BRDT: variants seen among roughly 807,000 people sequenced by gnomAD.
BRDT encodes bromodomain testis associated, also known as bromodomain testis-specific protein.
A neutral mutation model predicts 113.9 loss-of-function variants in BRDT; 77 were observed. That is an observed-to-expected ratio of 0.68 (90% CI 0.56 to 0.82). BRDT has a LOEUF of 0.82. Ranked by LOEUF, BRDT falls within the 40% of genes least tolerant of loss-of-function variation. The pLI, the probability that BRDT is intolerant of heterozygous loss-of-function variation, is 0.00. For missense variants in BRDT, 1,027 were observed against 1,105.4 expected (o/e 0.93, Z 1.01); for synonymous variants, 358 against 366.5 (o/e 0.98, Z 0.26).
chr1:91,977,676 G>T (rs1684283605), intron 6 of BRDT, among the ~76,000 whole-genome samples: 1 of 149,318 alleles, frequency 6.7e-6, no homozygotes, highest in Admixed American at 6.7e-5. Flanking sequence ...TTTGAGACCA[G>T]CCTGGCCATG....
chr1:92,014,212 G>T lies in BRDT; in HGVS notation c.2782G>T (p.Gly928Cys). Residue 928 changes from glycine (G) to cysteine (C), a missense_variant, in exon 19 of 19, where the codon GGT becomes TGT. By Grantham distance (159) the Gly-to-Cys change is radical. Coordinates refer to ENST00000399546, the MANE Select transcript of BRDT (RefSeq NM_207189.4). ...TTTTCTGCTTTTTCTACAGATGGTG[G>T]GTACCATTGATATGACCCTTCAAAG... ...QERRRREAMV[G>C]TIDMTLQSDI... is the part of the protein sequence containing the mutation. 1.3e-6 allele frequency: 2 copies of T among 1,583,978 alleles called. No homozygotes were observed. Among genetic ancestry groups the T allele is most frequent in the East Asian group, 2.3e-5 (1 of 43,130 alleles).
At chr1:91,967,308 C>T (rs955385605) in intron 3 of BRDT, among the ~76,000 whole-genome samples, 2 of 151,856 alleles carry the variant, frequency 1.3e-5, no homozygotes, top group African/African-American at 2.4e-5. Flanking sequence ...GCAATCTCAG[C>T]TCACCACAAC....
At chr1:92,007,933 T>C (rs184454254) in intron 18 of BRDT, among the ~76,000 whole-genome samples, 2 of 152,316 alleles carry the variant, frequency 1.3e-5, no homozygotes, top group East Asian at 3.9e-4. Flanking sequence ...TCGTTTATTT[T>C]TGAGGTGGAG....
chr1:91,958,139 G>C (rs1682002158), intron 1 of BRDT, among the ~76,000 whole-genome samples: 1 of 151,620 alleles, frequency 6.6e-6, no homozygotes, highest in Non-Finnish European at 1.5e-5. Flanking sequence ...CGCCATGCCT[G>C]GCCAAGTTTT....
chr1:91,956,755 TAGTG>T (rs1297048289), intron 1 of BRDT, among the ~76,000 whole-genome samples: 2 of 151,970 alleles, frequency 1.3e-5, no homozygotes, highest in Non-Finnish European at 2.9e-5. Flanking sequence ...CTGGGAAACA[TAGTG>T]AGACTCTGGC....
intron 18 of BRDT, among the ~76,000 whole-genome samples, chr1:92,006,878 C>T (rs1687363861): frequency 6.6e-6 from 1 of 152,058 alleles, no homozygotes. Flanking sequence ...ACCTCTGCCT[C>T]CTGGGTTCAA....
At chr1:92,014,040 TTA>T (rs1479236122) in intron 18 of BRDT, among the ~76,000 whole-genome samples, 164 bp from the exon 19 acceptor site, 1 of 152,148 alleles carries the variant, frequency 6.6e-6, no homozygotes, top group African/African-American at 2.4e-5. Flanking sequence ...ACAGAAATAA[TTA>T]TGTACAAATT....
intron 1 of BRDT, among the ~76,000 whole-genome samples, chr1:91,953,547 G>A (rs1469569816): frequency 2.0e-5 from 3 of 152,178 alleles, no homozygotes; most frequent in Non-Finnish European, 2.9e-5. Flanking sequence ...AGGTATGATG[G>A]CGGGTGCCTG....
chr1:91,982,118 C>T (rs1250743751), intron 12 of BRDT, among the ~76,000 whole-genome samples: 2 of 152,134 alleles, frequency 1.3e-5, no homozygotes, highest in Non-Finnish European at 2.9e-5. Flanking sequence ...TTTCGCTTTA[C>T]TCTCCATGAT....
intron 16 of BRDT, among the ~76,000 whole-genome samples, chr1:92,002,502 T>C (rs932975888): frequency 6.6e-6 from 1 of 152,178 alleles, no homozygotes; most frequent in African/African-American, 2.4e-5. Flanking sequence ...TAGCTGGGAT[T>C]ACAGGTGTGT....
chr1:91,964,878 C>CAT, intron 3 of BRDT, 114 bp downstream of exon 3: 1 of 343,702 alleles, frequency 2.9e-6, no homozygotes, highest in Non-Finnish European at 5.1e-6. Context: ...AGATACTTGA[C>CAT]GTGTGTGTGT....
chr1:91,967,796 G>C (rs1355561684), intron 3 of BRDT, among the ~76,000 whole-genome samples: 1 of 152,134 alleles, frequency 6.6e-6, no homozygotes, highest in Non-Finnish European at 1.5e-5. Flanking sequence ...GCCTCCAAAA[G>C]TGCTGGGATT....
intron 3 of BRDT, among the ~76,000 whole-genome samples, chr1:91,965,737 C>T (rs373682135): frequency 4.6e-5 from 7 of 151,972 alleles, no homozygotes; most frequent in Non-Finnish European, 7.4e-5. Context: ...GTCCCAGCTA[C>T]TCGGGAGGCT....
rs777827911 is a variant in BRDT at position 91,981,266 on chromosome 1, A to T, written c.1751-2A>T. On this transcript the variant is annotated splice_acceptor_variant, in intron 10 of 18. Transcript: ENST00000399546. LOFTEE classifies it high-confidence loss of function. ...CACTTTCTTCCCTCCTAAATCACAC[A>T]GCTAAGAAAATAATGATGTCCAAAG... 6.2e-7 allele frequency: 1 copy of T among 1,613,572 alleles called. No homozygotes were observed. Among genetic ancestry groups the T allele is most frequent in the South Asian group, 1.1e-5 (1 of 90,940 alleles).
In BRDT at chr1:91,992,283, T is replaced by A; in HGVS notation, c.2084T>A (p.Ile695Lys). ...TTTTAGAAAATGAAGAATGAATGCA[T>A]ACCGCCTGAAGGAAGAACAGGCGTC... ...ENVKKMKNEC[I>K]PPEGRTGVTQ... The change falls in exon 14 of 19, where the codon ATA becomes AAA. Residue 695 changes from isoleucine to lysine, a missense_variant. Transcript: ENST00000399546. The A allele has an allele frequency of 6.6e-7, 1 of 1,509,974 alleles. No homozygotes were observed. Among genetic ancestry groups the A allele is most frequent in the South Asian group, 1.3e-5 (1 of 75,584 alleles). 93.5% of individuals were successfully genotyped at this position (1,509,974 alleles called of 1,614,324 possible). A position where few individuals can be genotyped will look rare whatever the true frequency, so the allele number is the denominator to read the frequency against.
intron 2 of BRDT, among the ~76,000 whole-genome samples, chr1:91,963,459 A>G (rs1019113926): frequency 2.0e-5 from 3 of 152,208 alleles, no homozygotes; most frequent in African/African-American, 7.2e-5. Flanking sequence ...AAATTGTAAT[A>G]CATGTTTTCT....
Position 91,978,172 on chromosome 1 carries a change from A to C in BRDT, c.974A>C (p.Lys325Thr), listed in dbSNP as rs1184415450. 6.2e-7 allele frequency: 1 copy of C among 1,611,354 alleles called. No individual in the cohort carries two copies. The highest frequency in any genetic ancestry group is 8.5e-7 in the Non-Finnish European group (1 of 1,178,462). ...TGTAGTTTTTCTTTAATTTAGGAGA[A>C]AATGGATAACCAAGAATATAAGGAT... ...NPMDLGTIKE[K>T]MDNQEYKDAY... Residue 325 changes from lysine to threonine, a missense_variant, in exon 7 of 19, where the codon AAA (lysine) becomes ACA (threonine). Physicochemically the swap from Lys to Thr is moderately conservative, Grantham distance 78 (BLOSUM62 -1). Coordinates refer to ENST00000399546, the MANE Select transcript of BRDT (RefSeq NM_207189.4).
intron 15 of BRDT, among the ~76,000 whole-genome samples, chr1:91,997,523 GCCTTGC>G (rs1446714226): frequency 6.6e-6 from 1 of 152,168 alleles, no homozygotes; most frequent in Non-Finnish European, 1.5e-5. Flanking sequence ...TGCTAGGGTA[GCCTTGC>G]CCTTGAAAAG....
Position 91,962,780 on chromosome 1 carries a change from C to G in BRDT, c.26C>G (p.Ala9Gly). The G allele has an allele frequency of 6.2e-7, 1 of 1,600,398 alleles. No homozygotes were observed. Among genetic ancestry groups the G allele is most frequent in the Non-Finnish European group, 8.5e-7 (1 of 1,175,168 alleles). The change falls in exon 2 of 19, where the codon GCT becomes GGT. Residue 9 changes from alanine to glycine, a missense_variant. Transcript: ENST00000399546. MSLPSRQT[A>G]IIVNPPPPEY... ...ATGTCTCTGCCAAGTCGACAAACAGCTATTATTGTTAACCCTCCTCCACCA... is the reference window on the plus strand; with the variant it reads ...ATGTCTCTGCCAAGTCGACAAACAGGTATTATTGTTAACCCTCCTCCACCA...
Sources: gnomAD v4.1 joint callset for allele counts (sites outside exome capture counted in the v4.1 genomes callset) on GRCh38, gnomAD v4.1.1 for gene constraint, MANE v1.5 for transcripts, NCBI Gene and HGNC (gene_info 2026-07-23, HGNC 2026-07-21) for gene names.